Variants in ZNF462 observed in about 807,000 individuals in gnomAD.
ZNF462 encodes zinc finger protein 462, also known as zinc finger PBX1-interacting protein.
ZNF462 carries 10 observed loss-of-function variants against 201.9 expected under a neutral mutation model. The ratio of observed to expected loss-of-function variants is 0.05; its 90% CI spans 0.03 to 0.08. ZNF462 has a LOEUF of 0.08. ZNF462 is among the 10% of genes least tolerant of loss of function. ZNF462 has a pLI of 1.00. For synonymous variants in ZNF462, 1,227 were observed against 1,193.3 expected (o/e 1.03, Z -0.58); for missense variants, 2,523 against 3,168.3 (o/e 0.80, Z 4.89).
rs1829941379 is a variant in ZNF462 at position 106,920,349 on chromosome 9, C to T, written c.-30-3005C>T. Among the ~76,000 whole-genome samples the T allele has an allele frequency of 3.9e-5, 6 of 152,146 alleles. No homozygotes were observed. On this transcript the variant is annotated intron_variant, in intron 1 of 12. Transcript: ENST00000277225. The surrounding 1 kb of genome is among the most constrained non-coding windows in gnomAD (Gnocchi z 4.3). ...TTCTCTCTCTTTGATTGGGCCATGC[C>T]AGCAACTTCTATTTTCTTCTTCTGT...
chr9:106,915,744 C>T (rs943603666), intron 1 of ZNF462, among the ~76,000 whole-genome samples: 1 of 152,136 alleles, frequency 6.6e-6, no homozygotes, highest in Non-Finnish European at 1.5e-5. Context: ...AAAGCATTTA[C>T]GGTCTATATA....
At position 107,003,205 on chromosome 9, in the gene ZNF462, GA is replaced by G; in HGVS notation, c.7057-85del. The stretch of plus-strand genomic sequence containing the variant: ...CCTGGTTGCAAAACCACAGTCACAG[GA>G]AAATGATGTTAGAAAGATCTCTCCA... On this transcript the variant is annotated intron_variant, in intron 10 of 12. Transcript: ENST00000277225. The surrounding 1 kb of genome is among the most constrained non-coding windows in gnomAD (Gnocchi z 4.4). 6.5e-7 allele frequency: 1 copy of G among 1,539,240 alleles called. No individual in the cohort carries two copies. The highest frequency in any genetic ancestry group is 8.8e-7 in the Non-Finnish European group (1 of 1,142,636).
At chr9:106,986,037 T>C (rs1827805967) in intron 10 of ZNF462, among the ~76,000 whole-genome samples, 1 of 152,242 alleles carries the variant, frequency 6.6e-6, no homozygotes. Context: ...ATTATTCACA[T>C]GTATCTTATT....
At chr9:106,900,218 G>A (rs1049587565) in intron 1 of ZNF462, among the ~76,000 whole-genome samples, 11 of 122,266 alleles carry the variant, frequency 9.0e-5, no homozygotes, top group African/African-American at 2.5e-4. Context: ...GTGTGTGTGT[G>A]TGTGTGTGTG....
chr9:106,906,577 G>C lies in ZNF462; in HGVS notation c.-30-16777G>C, dbSNP rs1335499188. ...ATTGTCTGAGGTTATTGATTTAGAA[G>C]TAGTCATTCAAGAATCCCAGACAGG... is the stretch of plus-strand genomic sequence containing the variant. On this transcript the variant is annotated intron_variant, in intron 1 of 12. Transcript: ENST00000277225. Among the ~76,000 whole-genome samples the C allele has an allele frequency of 2.0e-5, 3 of 152,198 alleles. No individual in the cohort carries two copies. The South Asian group carries it at 6.2e-4, about 31-fold the overall frequency.
intron 1 of ZNF462, among the ~76,000 whole-genome samples, chr9:106,912,345 C>A (rs189607471): frequency 7.2e-5 from 11 of 152,294 alleles, no homozygotes; most frequent in South Asian, 2.1e-4. Context: ...AAACATGTTT[C>A]CAAAGTATAA....
Position 106,929,363 on chromosome 9 carries a change from G to A in ZNF462, c.5451G>A (p.Lys1817=), listed in dbSNP as rs771021753. 4.2e-5 allele frequency: 68 copies of A among 1,614,028 alleles called. No homozygotes were observed. Among genetic ancestry groups the A allele is most frequent in the Non-Finnish European group, 5.6e-5 (66 of 1,180,052 alleles). The change falls in exon 3 of 13, where the codon AAG becomes AAA. Residue 1817 remains lysine, a synonymous_variant. Coordinates refer to ENST00000277225, the MANE Select transcript of ZNF462 (RefSeq NM_021224.6). The surrounding 1 kb of genome is among the most constrained non-coding windows in gnomAD (Gnocchi z 8.7). ...FTAVYADEHE[K]PTLMEEEERG... is the part of the protein sequence containing the mutation. ...CCGTCTATGCAGATGAGCATGAGAA[G>A]CCCACACTGATGGAAGAAGAGGAGA... is the stretch of plus-strand genomic sequence containing the variant.
intron 1 of ZNF462, among the ~76,000 whole-genome samples, chr9:106,901,646 A>G (rs924815479): frequency 1.1e-4 from 16 of 152,042 alleles, no homozygotes; most frequent in Admixed American, 9.8e-4. Context: ...TTGGTTAGGT[A>G]TATTCCTAAG....
At chr9:106,931,017 C>T (rs984293238) in intron 4 of ZNF462, 16 of 230,352 alleles carry the variant, frequency 6.9e-5, no homozygotes, top group East Asian at 2.7e-4. Context: ...CCAAGTTGCC[C>T]GAGCTCTTGA....
rs1195572638 is a variant in ZNF462, at chr9:106,924,900, A to G, written c.988A>G (p.Arg330Gly). The G allele has an allele frequency of 6.2e-7, 1 of 1,614,084 alleles. No individual in the cohort carries two copies. The highest frequency in any genetic ancestry group is 8.5e-7 in the Non-Finnish European group (1 of 1,180,046). ...FRGSMGNSIM[R>G]PNSSASKFSP... Reference sequence around the variant, plus strand: ...GGGCTCCATGGGCAACTCCATCATGAGACCCAATTCTTCAGCTTCCAAGTT... The same window carrying G: ...GGGCTCCATGGGCAACTCCATCATGGGACCCAATTCTTCAGCTTCCAAGTT... Residue 330 changes from arginine (R) to glycine (G), a missense_variant, in exon 3 of 13, where the codon AGA (arginine) becomes GGA (glycine). Arg to Gly is a moderately radical substitution (Grantham distance 125). This residue lies in a region of ZNF462 where 480 missense variants were observed against 544.4 expected (regional missense o/e 0.88). Transcript: ENST00000277225. This position sits in a 1 kb window ranked among gnomAD's most constrained non-coding sequence, Gnocchi z 6.2.
intron 10 of ZNF462, among the ~76,000 whole-genome samples, chr9:106,994,620 C>T (rs1336757770): frequency 6.6e-6 from 1 of 152,096 alleles, no homozygotes; most frequent in African/African-American, 2.4e-5. Flanking sequence ...TTTCTGCTTT[C>T]CCTCATGCAG....
Position 106,926,926 on chromosome 9 carries a change from A to G in ZNF462, c.3014A>G (p.Asn1005Ser). ...ARGGGLPATFNKNTPKTFTPE... is the reference protein window; with the variant it reads ...ARGGGLPATFSKNTPKTFTPE... The stretch of plus-strand genomic sequence containing the variant: ...GGTGGTGGTTTGCCAGCTACGTTCA[A>G]CAAAAACACTCCTAAGACCTTTACT... The change falls in exon 3 of 13, where the codon AAC becomes AGC. Residue 1005 changes from asparagine to serine, a missense_variant. Coordinates refer to ENST00000277225, the MANE Select transcript of ZNF462 (RefSeq NM_021224.6). The surrounding 1 kb of genome is among the most constrained non-coding windows in gnomAD (Gnocchi z 7.9). 1 of 1,614,158 alleles carries G rather than the reference A, an allele frequency of 6.2e-7. No individual in the cohort carries two copies.
chr9:106,932,283 C>A lies in ZNF462; in HGVS notation c.6013-163C>A, dbSNP rs190489210. On this transcript the variant is annotated intron_variant, in intron 4 of 12. Transcript: ENST00000277225. The surrounding 1 kb of genome is among the most constrained non-coding windows in gnomAD (Gnocchi z 6.8). ...CTTAGCAGGAGGCGGATGACCCTGC[C>A]CACTTGTTCCTGGATGGATTGGAAG... 1 of 1,551,412 alleles carries A rather than the reference C, an allele frequency of 6.4e-7. No individual in the cohort carries two copies. Among genetic ancestry groups the A allele is most frequent in the African/African-American group, 1.4e-5 (1 of 73,158 alleles).
At chr9:106,997,056 T>C (rs1828788192) in intron 10 of ZNF462, among the ~76,000 whole-genome samples, 2 of 152,148 alleles carry the variant, frequency 1.3e-5, no homozygotes, top group Admixed American at 1.3e-4. Flanking sequence ...TCAGGTTCCA[T>C]AGAACTTCAA....
Position 107,005,528 on chromosome 9 carries a change from CAGAT to C in ZNF462, c.7189+2107_7189+2110del. Among the ~76,000 whole-genome samples the C allele has an allele frequency of 6.6e-6, 1 of 152,244 alleles. No homozygotes were observed. Among genetic ancestry groups the C allele is most frequent in the African/African-American group, 2.4e-5 (1 of 41,554 alleles). Reference sequence around the variant, plus strand: ...TGTCTTCTTTTGAGAAATGTCTACTCAGATAGATGATTTTCTGTTGAGTTGCTTG... The same window carrying C: ...TGTCTTCTTTTGAGAAATGTCTACTCAGATGATTTTCTGTTGAGTTGCTTG... On this transcript the variant is annotated intron_variant, in intron 11 of 12. Coordinates refer to ENST00000277225, the MANE Select transcript of ZNF462 (RefSeq NM_021224.6). The surrounding 1 kb of genome is among the most constrained non-coding windows in gnomAD (Gnocchi z 4.4).
chr9:106,877,297 T>C (rs929278637), intron 1 of ZNF462, among the ~76,000 whole-genome samples: 1 of 59,506 alleles, frequency 1.7e-5, no homozygotes, highest in Non-Finnish European at 3.0e-5. Context: ...CTACTCATGA[T>C]TTTTTTTTTT....
chr9:106,945,576 T>C (rs1831069721), intron 7 of ZNF462, among the ~76,000 whole-genome samples: 1 of 152,174 alleles, frequency 6.6e-6, no homozygotes, highest in Non-Finnish European at 1.5e-5. Context: ...AAAATTTACA[T>C]CGTTTATAGC....
chr9:106,938,812 C>T lies in ZNF462; in HGVS notation c.6236-104C>T, dbSNP rs777182301. The T allele has an allele frequency of 4.3e-5, 53 of 1,220,284 alleles. No homozygotes were observed. The highest frequency in any genetic ancestry group is 9.9e-5 in the South Asian group (6 of 60,556). 75.6% of individuals were successfully genotyped at this position (1,220,284 alleles called of 1,614,324 possible). A position where few individuals can be genotyped will look rare whatever the true frequency, so the allele number is the denominator to read the frequency against. ...TTCATAGAACATGAAGCTTGAGATG[C>T]GCTTCTCTAGCATGAGTTAACTGAG... On this transcript the variant is annotated intron_variant, in intron 6 of 12. Coordinates refer to ENST00000277225, the MANE Select transcript of ZNF462 (RefSeq NM_021224.6). This position sits in a 1 kb window ranked among gnomAD's most constrained non-coding sequence, Gnocchi z 4.4.
At chr9:106,943,461 C>T (rs995139614) in intron 7 of ZNF462, among the ~76,000 whole-genome samples, 1 of 152,182 alleles carries the variant, frequency 6.6e-6, no homozygotes, top group Admixed American at 6.5e-5. Context: ...CTAGCAAATA[C>T]TGACATTCCT....
Sources: allele counts gnomAD v4.1 joint callset (sites outside exome capture counted in the v4.1 genomes callset), GRCh38; gene constraint gnomAD v4.1.1; regional missense constraint gnomAD v4.1.1; non-coding constraint Gnocchi (gnomAD v3.1); transcripts MANE v1.5; gene names NCBI Gene and HGNC (gene_info 2026-07-23, HGNC 2026-07-21).